ZNRF3: variants seen among roughly 807,000 people sequenced by gnomAD.
ZNRF3 encodes the protein E3 ubiquitin-protein ligase ZNRF3.
Under a neutral mutation model 72.5 loss-of-function variants are expected in ZNRF3, and 23 were observed. That is an observed-to-expected ratio of 0.32 (90% CI 0.23 to 0.45). The LOEUF is 0.45. ZNRF3 is among the 20% of genes least tolerant of loss of function. The probability of loss-of-function intolerance (pLI) is 1.00; values close to 1 mark genes in which losing one functional copy is unlikely to be tolerated. For synonymous variants in ZNRF3, 610 were observed against 545.3 expected, an observed-to-expected ratio of 1.12 and a Z score of -1.65; for missense variants, 1,169 against 1,272.1, an observed-to-expected ratio of 0.92 and a Z score of 1.23.
intron 1 of ZNRF3, among the ~76,000 whole-genome samples, chr22:28,898,657 T>G (rs2034045084): frequency 6.6e-6 from 1 of 152,260 alleles, no homozygotes. Flanking sequence ...GAGTCTTTAC[T>G]TACATTTGTG....
intron 1 of ZNRF3, among the ~76,000 whole-genome samples, chr22:28,918,211 T>C (rs1206356616): frequency 1.3e-5 from 2 of 152,204 alleles, no homozygotes; most frequent in Non-Finnish European, 2.9e-5. Flanking sequence ...GCGGCCCTTT[T>C]AGGGTTAACT....
intron 1 of ZNRF3, among the ~76,000 whole-genome samples, chr22:28,933,345 G>T (rs774859794): frequency 2.0e-5 from 3 of 152,134 alleles, no homozygotes; most frequent in Non-Finnish European, 4.4e-5. Flanking sequence ...GTGTTATTGG[G>T]ATTTTTTATA....
At chr22:28,961,330 A>T (rs2035354919) in intron 1 of ZNRF3, among the ~76,000 whole-genome samples, 1 of 152,234 alleles carries the variant, frequency 6.6e-6, no homozygotes, top group Admixed American at 6.5e-5. Context: ...TAGCACATGC[A>T]TTATCTCATT....
At chr22:28,918,558 G>A (rs979662883) in intron 1 of ZNRF3, among the ~76,000 whole-genome samples, 13 of 151,700 alleles carry the variant, frequency 8.6e-5, no homozygotes, top group East Asian at 1.9e-4. Context: ...GTGTGTGTGT[G>A]TGTGTGTGTG....
intron 1 of ZNRF3, among the ~76,000 whole-genome samples, chr22:28,890,437 T>C (rs1382490256): frequency 6.6e-6 from 1 of 151,710 alleles, no homozygotes; most frequent in African/African-American, 2.4e-5. Flanking sequence ...GAGGTGGAGG[T>C]TACAGTAAGC....
chr22:28,974,784 C>T (rs2035640806), intron 1 of ZNRF3, among the ~76,000 whole-genome samples: 1 of 152,110 alleles, frequency 6.6e-6, no homozygotes, highest in Non-Finnish European at 1.5e-5. Flanking sequence ...TAGCAAGGAC[C>T]ACAGGTGCAT....
chr22:29,036,530 C>T (rs191914763), intron 2 of ZNRF3, among the ~76,000 whole-genome samples: 1 of 152,302 alleles, frequency 6.6e-6, no homozygotes, highest in Admixed American at 6.5e-5. Flanking sequence ...CCGCCTAACC[C>T]AGAAATTAAA....
intron 1 of ZNRF3, among the ~76,000 whole-genome samples, chr22:28,908,201 T>C (rs2034247848): frequency 6.6e-6 from 1 of 152,180 alleles, no homozygotes. Context: ...ACAGAGAAAA[T>C]GCAGCATGCA....
chr22:29,050,109 GGGGCGAGCCTTGGCC>G lies in ZNRF3; in HGVS notation c.1933_1947del (p.Glu645_Gly649del). ...GCGGTGCACAGTCATGGTGCTGGGC[GGGGCGAGCCTTGGCC>G]GGGCCCTGCCTCTCCCTCGGGGGAT... On this transcript the variant is annotated inframe_deletion, in exon 8 of 9. Transcript: ENST00000544604. The G allele has an allele frequency of 6.2e-7, 1 of 1,607,854 alleles. No individual in the cohort carries two copies. Among genetic ancestry groups the G allele is most frequent in the Non-Finnish European group, 8.5e-7 (1 of 1,179,652 alleles).
chr22:28,890,848 C>A (rs1474899695), intron 1 of ZNRF3, among the ~76,000 whole-genome samples: 1 of 151,816 alleles, frequency 6.6e-6, no homozygotes, highest in East Asian at 1.9e-4. Context: ...CTCTTGGACT[C>A]CTGGGCTCAG....
At chr22:29,015,847 G>A (rs554653505) in intron 2 of ZNRF3, among the ~76,000 whole-genome samples, 5 of 151,130 alleles carry the variant, frequency 3.3e-5, no homozygotes, top group South Asian at 4.2e-4. Flanking sequence ...GTGAAACCCC[G>A]TCTCTACTAA....
chr22:28,958,691 A>G (rs2035302258), intron 1 of ZNRF3, among the ~76,000 whole-genome samples: 1 of 152,210 alleles, frequency 6.6e-6, no homozygotes, highest in Non-Finnish European at 1.5e-5. Context: ...GGACACCAGG[A>G]GCCTCAGGCT....
intron 2 of ZNRF3, among the ~76,000 whole-genome samples, chr22:29,022,959 A>G (rs944670657): frequency 1.4e-4 from 22 of 152,152 alleles, no homozygotes; most frequent in Admixed American, 3.3e-4. Context: ...TAGTGTAGCC[A>G]TTACCTGAAT....
intron 1 of ZNRF3, among the ~76,000 whole-genome samples, chr22:28,974,029 C>G (rs947523013): frequency 2.7e-5 from 4 of 147,132 alleles, no homozygotes; most frequent in Non-Finnish European, 5.9e-5. Context: ...GCGATCTCGG[C>G]TCACTGCAAG....
intron 1 of ZNRF3, chr22:28,986,558 G>T: frequency 1.1e-6 from 1 of 949,330 alleles, no homozygotes; most frequent in Non-Finnish European, 1.3e-6. Context: ...ACCAGGGGTA[G>T]CCTTTAAACA....
At chr22:28,896,053 C>T (rs534866622) in intron 1 of ZNRF3, among the ~76,000 whole-genome samples, 156 of 152,176 alleles carry the variant, frequency 1.0e-3, no homozygotes, top group Non-Finnish European at 1.0e-3. Flanking sequence ...TGGGTTCAAG[C>T]GATTCTCCTG....
intron 8 of ZNRF3, among the ~76,000 whole-genome samples, chr22:29,053,333 A>G (rs1430207659): frequency 6.6e-6 from 1 of 152,182 alleles, no homozygotes; most frequent in Non-Finnish European, 1.5e-5. Context: ...CATCTTTAAT[A>G]TATTGGGCTT....
At chr22:28,908,204 A>C (rs2034247943) in intron 1 of ZNRF3, among the ~76,000 whole-genome samples, 1 of 152,234 alleles carries the variant, frequency 6.6e-6, no homozygotes, top group South Asian at 2.1e-4. Flanking sequence ...GAGAAAATGC[A>C]GCATGCAATG....
rs868776311 is a variant in ZNRF3, at chr22:29,043,562, C to G, written c.633+132C>G. 2.5e-4 allele frequency: 287 copies of G among 1,148,490 alleles called. 1 individual carries two copies. In the Middle Eastern group the frequency reaches 3.1e-3, roughly 12 times the overall value. 71.1% of individuals were successfully genotyped at this position (1,148,490 alleles called of 1,614,324 possible). On this transcript the variant is annotated intron_variant, in intron 4 of 8. Transcript: ENST00000544604. Reference sequence around the variant, plus strand: ...ACCCCAGGTTCCTGCAGGCTTAGATCAGCTATTGGACTCAAGGCCAGGGTG... The same window carrying G: ...ACCCCAGGTTCCTGCAGGCTTAGATGAGCTATTGGACTCAAGGCCAGGGTG...
Sources: allele counts gnomAD v4.1 joint callset (sites outside exome capture counted in the v4.1 genomes callset), GRCh38; gene constraint gnomAD v4.1.1; transcripts MANE v1.5; gene names NCBI Gene and HGNC (gene_info 2026-07-23, HGNC 2026-07-21).